Variants in ZNF765 observed in about 807,000 individuals in gnomAD.
ZNF765 encodes the protein zinc finger protein 765.
A neutral mutation model predicts 44.7 loss-of-function variants in ZNF765; 37 were observed. The ratio of observed to expected loss-of-function variants is 0.83; its 90% CI spans 0.64 to 1.09. The LOEUF (loss-of-function observed/expected upper bound fraction) is 1.09. ZNF765 is among the 50% of genes least tolerant of loss of function. The pLI is 0.00. For synonymous variants in ZNF765, 201 were observed against 213.7 expected, an observed-to-expected ratio of 0.94 and a Z score of 0.52; for missense variants, 594 against 626.1, an observed-to-expected ratio of 0.95 and a Z score of 0.55.
chr19:53,399,284 A>G (rs914092845), intron 2 of ZNF765, among the ~76,000 whole-genome samples: 18 of 137,046 alleles, frequency 1.3e-4, no homozygotes, highest in Non-Finnish European at 2.4e-4. Flanking sequence ...CTATTTAAAC[A>G]TCACATAGTG....
chr19:53,397,379 G>A (rs183687813), intron 1 of ZNF765, among the ~76,000 whole-genome samples: 230 of 151,450 alleles, frequency 1.5e-3, no homozygotes, highest in Admixed American at 4.4e-3. Flanking sequence ...GCGGTTAAGC[G>A]TGTAAACTTA....
intron 1 of ZNF765, among the ~76,000 whole-genome samples, chr19:53,397,600 C>G (rs1437814548): frequency 6.6e-6 from 1 of 152,010 alleles, no homozygotes; most frequent in Non-Finnish European, 1.5e-5. Flanking sequence ...CCAGGCTGGT[C>G]TCAAACCTGA....
chr19:53,423,887 G>C (rs1390069739), exon 4 of ZNF765: 1 of 158,224 alleles, frequency 6.3e-6, no homozygotes, highest in African/African-American at 2.4e-5. Flanking sequence ...CCCTGGAGCA[G>C]CTCTGTGGAA....
downstream of ZNF765, among the ~76,000 whole-genome samples, chr19:53,414,479 ACACACACACACCCCCCCCCC>A (rs1568786047): frequency 3.0e-3 from 5 of 1,674 alleles, 1 homozygote; most frequent in African/African-American, 9.0e-3. Flanking sequence ...ACACACACAC[ACACACACACACCCCCCCCCC>A]CCCCCCCCCC....
chr19:53,407,583 G>T, intron 3 of ZNF765, 115 bp from the exon 4 acceptor site: 1 of 699,004 alleles, frequency 1.4e-6, no homozygotes, highest in Non-Finnish European at 2.1e-6. Flanking sequence ...TAAACTTTGA[G>T]GGTCATGTTT....
chr19:53,417,426 A>T (rs760076774), intron 3 of ZNF765, among the ~76,000 whole-genome samples: 13 of 152,138 alleles, frequency 8.5e-5, no homozygotes, highest in Admixed American at 3.9e-4. Context: ...AATGGCCTCC[A>T]GCTCCATCCA....
At position 53,408,904 on chromosome 19, in the gene ZNF765, A is replaced by T. The variant is rs1329962109; in HGVS notation, c.1349A>T (p.Lys450Ile). Residue 450 changes from lysine (K) to isoleucine (I), a missense_variant, in exon 4 of 4, where the codon AAA becomes ATA. Physicochemically the swap from Lys to Ile is moderately radical, Grantham distance 102 (BLOSUM62 -3). Around this residue, in one of 2 missense-constraint regions of ZNF765, gnomAD observed 567 missense variants for 572.6 expected, o/e 0.99. Coordinates refer to ENST00000396408, the MANE Select transcript of ZNF765 (RefSeq NM_001040185.3). ...CEECDKAYSFKSNLEIHQKIH... is the reference protein window; with the variant it reads ...CEECDKAYSFISNLEIHQKIH... Reference sequence around the variant, plus strand: ...GAATGTGACAAAGCCTACAGTTTCAAATCAAACCTTGAAATACATCAGAAA... The same window carrying T: ...GAATGTGACAAAGCCTACAGTTTCATATCAAACCTTGAAATACATCAGAAA... 1 of 1,613,816 alleles carries T rather than the reference A, an allele frequency of 6.2e-7. No homozygotes were observed. Among genetic ancestry groups the T allele is most frequent in the Non-Finnish European group, 8.5e-7 (1 of 1,179,954 alleles).
chr19:53,413,410 C>G, downstream of ZNF765: 1 of 499,362 alleles, frequency 2.0e-6, no homozygotes, highest in Non-Finnish European at 3.8e-6. Flanking sequence ...GTTACCATAT[C>G]AAGCTGAAAA....
intron 3 of ZNF765, 60 bp downstream of exon 3, chr19:53,402,251 T>TTG: frequency 2.2e-5 from 1 of 46,380 alleles, no homozygotes; most frequent in Non-Finnish European, 4.2e-5. Flanking sequence ...TTCTCTCCTT[T>TTG]TTTTTTTTTT....
At chr19:53,414,810 T>C (rs62117298), downstream of ZNF765, among the ~76,000 whole-genome samples, 68,603 of 149,782 alleles carry the variant, frequency 0.46, 15,941 homozygotes, top group Middle Eastern at 0.51. Context: ...GCTCAATCAG[T>C]GTGATCCACA....
At chr19:53,413,872 G>T (rs1015961786), downstream of ZNF765, among the ~76,000 whole-genome samples, 1 of 138,920 alleles carries the variant, frequency 7.2e-6, no homozygotes, top group African/African-American at 2.7e-5. Context: ...GTCAAGCTGG[G>T]AACTGCAGCA....
At chr19:53,418,539 G>A (rs2085888167) in intron 3 of ZNF765, among the ~76,000 whole-genome samples, 1 of 152,110 alleles carries the variant, frequency 6.6e-6, no homozygotes, top group Non-Finnish European at 1.5e-5. Flanking sequence ...AGAAGGATGG[G>A]TGAGGTGACT....
At chr19:53,407,042 C>G (rs113330203) in intron 3 of ZNF765, among the ~76,000 whole-genome samples, 1 of 152,034 alleles carries the variant, frequency 6.6e-6, no homozygotes, top group Non-Finnish European at 1.5e-5. Flanking sequence ...GATGGAATCT[C>G]ACTTTGTCAC....
chr19:53,397,776 C>T (rs566054731), intron 1 of ZNF765, among the ~76,000 whole-genome samples, 167 bp from the exon 2 acceptor site: 27 of 151,970 alleles, frequency 1.8e-4, no homozygotes, highest in African/African-American at 5.5e-4. Context: ...TGGGCTTCTC[C>T]GGGAGGGGAG....
chr19:53,425,892 G>A (rs1425711556), exon 4 of ZNF765: 1 of 152,416 alleles, frequency 6.6e-6, no homozygotes. Context: ...GAGGTCAAGA[G>A]ATCGAAACCA....
rs1298012567 is a variant in ZNF765, at chr19:53,397,994, G to T, written c.-22G>T. ...GTGAGGAAGAAACCTGGAAGAGGAA[G>T]AGGAAAGCAAAGGAGTCAGGGATGG... On this transcript the variant is annotated 5_prime_UTR_variant, in exon 2 of 4. Transcript: ENST00000396408. 1.9e-6 allele frequency: 3 copies of T among 1,613,100 alleles called. No individual in the cohort carries two copies. In the South Asian group the frequency reaches 3.3e-5, roughly 18 times the overall value.
At chr19:53,402,832 T>C (rs1374094627) in intron 3 of ZNF765, among the ~76,000 whole-genome samples, 2 of 152,098 alleles carry the variant, frequency 1.3e-5, no homozygotes, top group African/African-American at 4.8e-5. Flanking sequence ...GTAGCTGGGA[T>C]TACAGGTGCC....
At chr19:53,413,927 A>G (rs1283885927), downstream of ZNF765, among the ~76,000 whole-genome samples, 1 of 123,230 alleles carries the variant, frequency 8.1e-6, no homozygotes, top group African/African-American at 3.1e-5. Flanking sequence ...ATAGCTAGAA[A>G]GACAAAAAAA....
chr19:53,404,507 C>T (rs759996452), intron 3 of ZNF765, among the ~76,000 whole-genome samples: 3 of 151,962 alleles, frequency 2.0e-5, no homozygotes, highest in Admixed American at 6.6e-5. Context: ...GGCTGGAGTG[C>T]GGTGGTGCGA....
Sources: gnomAD v4.1 joint callset for allele counts (sites outside exome capture counted in the v4.1 genomes callset) on GRCh38, gnomAD v4.1.1 for gene constraint, gnomAD v4.1.1 regional missense constraint, MANE v1.5 for transcripts, NCBI Gene and HGNC (gene_info 2026-07-23, HGNC 2026-07-21) for gene names.